POGK: variants seen among roughly 807,000 people sequenced by gnomAD.
POGK encodes the protein pogo transposable element derived with KRAB domain, also known as pogo transposable element with KRAB domain.
Under a neutral mutation model 54.4 loss-of-function variants are expected in POGK, and 16 were observed. That is an observed-to-expected ratio of 0.29 (90% CI 0.20 to 0.45). POGK has a LOEUF of 0.45. POGK is among the 20% of genes least tolerant of loss of function. The probability of loss-of-function intolerance (pLI) is 1.00; values close to 1 mark genes in which losing one functional copy is unlikely to be tolerated. For synonymous variants in POGK, 271 were observed against 302.2 expected (o/e 0.90, Z 1.07); for missense variants, 515 against 795.6 (o/e 0.65, Z 4.24).
intron 2 of POGK, among the ~76,000 whole-genome samples, chr1:166,841,527 G>C (rs1421058575): frequency 1.3e-5 from 2 of 152,218 alleles, no homozygotes. Context: ...TGACACAGGA[G>C]AGCTGCCTGT....
Position 166,841,802 on chromosome 1 carries a change from G to A in POGK, c.132+714G>A, listed in dbSNP as rs990563323. On this transcript the variant is annotated intron_variant, in intron 2 of 5. Transcript: ENST00000367876. Reference sequence around the variant, plus strand: ...ATTGTCAGTATACATAGTATCCTTTGCTTCCATGAAGAGCCCCTATCCATA... The same window carrying A: ...ATTGTCAGTATACATAGTATCCTTTACTTCCATGAAGAGCCCCTATCCATA... Among the ~76,000 whole-genome samples the A allele has an allele frequency of 7.2e-5, 11 of 151,998 alleles. 1 individual carries two copies. Among genetic ancestry groups the A allele is most frequent in the African/African-American group, 2.7e-4 (11 of 41,382 alleles).
chr1:166,839,667 G>C (rs1657387704), intron 1 of POGK, 63 bp downstream of exon 1: 1 of 143,628 alleles, frequency 7.0e-6, no homozygotes, highest in African/African-American at 2.5e-5. Context: ...GGGCGGCTGG[G>C]CCGCGGCAGA....
At position 166,854,766 on chromosome 1, in the gene POGK, A is replaced by T. The variant is rs1451879155; in HGVS notation, c.*2196A>T. On this transcript the variant is annotated 3_prime_UTR_variant, in exon 6 of 6. Transcript: ENST00000367876. ...AAAGAAATCCCATAAAGGGATCTGAATTTTAAATGAAAGTATGATGAACCC... is the reference window on the plus strand; with the variant it reads ...AAAGAAATCCCATAAAGGGATCTGATTTTTAAATGAAAGTATGATGAACCC... 6.6e-6 allele frequency: 1 copy of T among 152,238 alleles called. No homozygotes were observed. The highest frequency in any genetic ancestry group is 1.5e-5 in the Non-Finnish European group (1 of 68,032). The allele number at this position is 152,238 out of a possible 1,614,324, so 9.4% of individuals were successfully genotyped here.
Position 166,856,143 on chromosome 1 carries a change from A to T in POGK, c.*3573A>T, listed in dbSNP as rs914715193. On this transcript the variant is annotated 3_prime_UTR_variant, in exon 6 of 6. Coordinates refer to ENST00000367876, the MANE Select transcript of POGK (RefSeq NM_017542.5). ...TCAGGAGTTCATTACCAGTCTGGGC[A>T]ACATGATAAAACCGTGTCTTTACAA... 1 of 152,074 alleles carries T rather than the reference A, an allele frequency of 6.6e-6. No individual in the cohort carries two copies. Among genetic ancestry groups the T allele is most frequent in the Non-Finnish European group, 1.5e-5 (1 of 68,018 alleles). The allele number at this position is 152,074 out of a possible 1,614,324, so 9.4% of individuals were successfully genotyped here. A position where few individuals can be genotyped will look rare whatever the true frequency, so the allele number is the denominator to read the frequency against.
At chr1:166,840,933 T>TGAACCTGAATCTTGCTTGCAGAGATG (rs1328986910) in intron 1 of POGK, 22 bp from the exon 2 acceptor site, 8 of 1,613,240 alleles carry the variant, frequency 5.0e-6, no homozygotes, top group Non-Finnish European at 5.9e-6. Context: ...CTGGTTTTTC[T>TGAACCTGAATCTTGCTTGCAGAGATG]GAACCTGAAT....
chr1:166,850,519 T>G, intron 5 of POGK, 96 bp downstream of exon 5: 1 of 1,372,118 alleles, frequency 7.3e-7, no homozygotes, highest in Non-Finnish European at 9.7e-7. Flanking sequence ...TAAGTTCCCT[T>G]AGAGCCTACA....
chr1:166,843,576 ATATATT>A (rs1657700063), intron 2 of POGK, among the ~76,000 whole-genome samples: 4 of 152,290 alleles, frequency 2.6e-5, no homozygotes, highest in African/African-American at 9.6e-5. Flanking sequence ...CAGTGAGAGA[ATATATT>A]TATATGATTG....
rs1341122452 is a variant in POGK at position 166,855,323 on chromosome 1, C to T, written c.*2753C>T. On this transcript the variant is annotated 3_prime_UTR_variant, in exon 6 of 6. Transcript: ENST00000367876. Reference sequence around the variant, plus strand: ...TATGGTTTCCAACAGCTTTTTCCCTCGTTAAAATAATTATTTTTCTACATG... The same window carrying T: ...TATGGTTTCCAACAGCTTTTTCCCTTGTTAAAATAATTATTTTTCTACATG... The T allele has an allele frequency of 6.6e-6, 1 of 152,084 alleles. No homozygotes were observed. The highest frequency in any genetic ancestry group is 1.5e-5 in the Non-Finnish European group (1 of 68,008). The allele number at this position is 152,084 out of a possible 1,614,324, so 9.4% of individuals were successfully genotyped here.
intron 2 of POGK, among the ~76,000 whole-genome samples, chr1:166,845,423 C>T (rs1050234851): frequency 2.0e-5 from 3 of 151,278 alleles, no homozygotes; most frequent in Admixed American, 6.6e-5. Context: ...ATAAATGAAG[C>T]AGTTACAGGC....
chr1:166,839,720 T>G (rs1657394733), intron 1 of POGK, 116 bp downstream of exon 1: 2 of 142,466 alleles, frequency 1.4e-5, no homozygotes, highest in African/African-American at 2.5e-5. Flanking sequence ...GCCGCCTTTG[T>G]TGCGGGCCCG....
intron 2 of POGK, among the ~76,000 whole-genome samples, chr1:166,842,555 G>C (rs1455347010): frequency 6.6e-6 from 1 of 152,242 alleles, no homozygotes; most frequent in Non-Finnish European, 1.5e-5. Context: ...GGATGCACCA[G>C]GAGCCAAGAT....
rs1290864021 is a variant in POGK, at chr1:166,856,075, T to TAACA, written c.*3510_*3513dup. ...GTGCAGTAGTTCAGGCCTGTAATCCTAACAAACACTCTGGGAGGCCAAGGT... is the reference window on the plus strand; with the variant it reads ...GTGCAGTAGTTCAGGCCTGTAATCCTAACAAACAAACACTCTGGGAGGCCAAGGT... On this transcript the variant is annotated 3_prime_UTR_variant, in exon 6 of 6. Coordinates refer to ENST00000367876, the MANE Select transcript of POGK (RefSeq NM_017542.5). 6.6e-6 allele frequency: 1 copy of TAACA among 151,850 alleles called. No homozygotes were observed. Among genetic ancestry groups the TAACA allele is most frequent in the South Asian group, 2.1e-4 (1 of 4,796 alleles). 9.4% of individuals were successfully genotyped at this position (151,850 alleles called of 1,614,324 possible). A position where few individuals can be genotyped will look rare whatever the true frequency, so the allele number is the denominator to read the frequency against.
chr1:166,843,743 T>C (rs1354431859), intron 2 of POGK, among the ~76,000 whole-genome samples: 1 of 152,010 alleles, frequency 6.6e-6, no homozygotes, highest in Admixed American at 6.6e-5. Context: ...CTTTACAACA[T>C]TTACCCTTTG....
intron 2 of POGK, among the ~76,000 whole-genome samples, chr1:166,843,190 C>G (rs995969068): frequency 1.3e-5 from 2 of 152,190 alleles, no homozygotes; most frequent in Non-Finnish European, 2.9e-5. Flanking sequence ...GGCAAAAGCA[C>G]TGAGGAGAGG....
chr1:166,839,685 G>A (rs1013243245), intron 1 of POGK, 81 bp downstream of exon 1: 5 of 131,280 alleles, frequency 3.8e-5, no homozygotes, highest in Non-Finnish European at 8.3e-5. Context: ...AGAGGCGGGG[G>A]CGCCGAGGCT....
chr1:166,844,465 G>A (rs1657750665), intron 2 of POGK, among the ~76,000 whole-genome samples: 1 of 152,196 alleles, frequency 6.6e-6, no homozygotes, highest in Admixed American at 6.5e-5. Context: ...CCAGGGTGAG[G>A]AAGTCTGAGG....
chr1:166,839,996 C>A (rs548873605), intron 1 of POGK: 3 of 152,252 alleles, frequency 2.0e-5, no homozygotes, highest in Admixed American at 2.0e-4. Flanking sequence ...ACCTCTGCCC[C>A]GGAGCCGGCA....
At position 166,845,378 on chromosome 1, in the gene POGK, G is replaced by A. The variant is rs74119679; in HGVS notation, c.133-1234G>A. Among the ~76,000 whole-genome samples the A allele has an allele frequency of 7.7e-3, 1,128 of 145,674 alleles. 7 individuals are homozygous for A. Among genetic ancestry groups the A allele is most frequent in the African/African-American group, 0.028 (1,073 of 38,658 alleles). On this transcript the variant is annotated intron_variant, in intron 2 of 5. Transcript: ENST00000367876. ...ATCTCAAAAAAAAAAAAAAAAAATA[G>A]GCGTATCTACTCCTCCACAGGCCCA...
At position 166,849,037 on chromosome 1, in the gene POGK, G is replaced by A. The variant is rs774659230; in HGVS notation, c.458G>A (p.Arg153His). 9.3e-6 allele frequency: 15 copies of A among 1,614,006 alleles called. No homozygotes were observed. Among genetic ancestry groups the A allele is most frequent in the Middle Eastern group, 1.6e-4 (1 of 6,084 alleles). Residue 153 changes from arginine (R) to histidine (H), a missense_variant, in exon 5 of 6, where the codon CGT becomes CAT. Transcript: ENST00000367876. ...CAGCACTTTGACAGCTTTGGCCTCC[G>A]TCTGCCTCGGGATATCACAGAGCTG... The part of the protein sequence containing the change: ...QPQHFDSFGL[R>H]LPRDITELPE...
Sources: gnomAD v4.1 joint callset for allele counts (sites outside exome capture counted in the v4.1 genomes callset) on GRCh38, gnomAD v4.1.1 for gene constraint, MANE v1.5 for transcripts, NCBI Gene and HGNC (gene_info 2026-07-23, HGNC 2026-07-21) for gene names.